The following PLCH1 variants were observed in gnomAD, a reference collection of about 807,000 sequenced individuals.
PLCH1 encodes 1-phosphatidylinositol 4,5-bisphosphate phosphodiesterase eta-1.
In PLCH1, 60 loss-of-function variants were observed where a neutral mutation model predicts 126.7. That is an observed-to-expected ratio of 0.47 (90% CI 0.38 to 0.59). The LOEUF (loss-of-function observed/expected upper bound fraction) is 0.59, where lower values mean the gene tolerates loss of function less well. PLCH1 is among the 20% of genes least tolerant of loss of function. PLCH1 has a pLI of 0.00. For missense variants in PLCH1, 1,723 were observed against 2,040.0 expected (o/e 0.84, Z 2.99); for synonymous variants, 719 against 734.9 (o/e 0.98, Z 0.35).
intron 2 of PLCH1, among the ~76,000 whole-genome samples, chr3:155,664,312 T>C (rs776099205): frequency 5.9e-5 from 9 of 152,218 alleles, no homozygotes; most frequent in Non-Finnish European, 8.8e-5. Flanking sequence ...GTCTGAACTA[T>C]AGGGCTCTAA....
At chr3:155,691,307 A>G (rs1221244703) in intron 2 of PLCH1, among the ~76,000 whole-genome samples, 2 of 152,196 alleles carry the variant, frequency 1.3e-5, no homozygotes, top group African/African-American at 4.8e-5. Context: ...CTTAGCATCA[A>G]CCTAACATTT....
At chr3:155,722,130 A>G (rs1747993888) in intron 1 of PLCH1, among the ~76,000 whole-genome samples, 3 of 152,038 alleles carry the variant, frequency 2.0e-5, no homozygotes, top group African/African-American at 4.8e-5. Context: ...TTCTCCATTC[A>G]GTATAATGGT....
intron 21 of PLCH1, among the ~76,000 whole-genome samples, chr3:155,464,624 C>G (rs1244712236): frequency 6.6e-6 from 1 of 152,130 alleles, no homozygotes; most frequent in African/African-American, 2.4e-5. Context: ...TGAGACCTCA[C>G]TTGTGTGAGT....
chr3:155,669,652 T>C (rs964199226), intron 2 of PLCH1, among the ~76,000 whole-genome samples: 1 of 152,206 alleles, frequency 6.6e-6, no homozygotes, highest in Non-Finnish European at 1.5e-5. Context: ...GAAAATAAGT[T>C]AGTAAATAAA....
chr3:155,688,190 A>G (rs1046229550), intron 2 of PLCH1, among the ~76,000 whole-genome samples: 1 of 152,210 alleles, frequency 6.6e-6, no homozygotes, highest in African/African-American at 2.4e-5. Context: ...AGCAGCTCCA[A>G]AGTGAATACT....
intron 11 of PLCH1, among the ~76,000 whole-genome samples, chr3:155,520,165 TG>T (rs1173963657): frequency 6.6e-6 from 1 of 152,220 alleles, no homozygotes; most frequent in Non-Finnish European, 1.5e-5. Context: ...GCCCAGCACC[TG>T]GGCTTTTTGA....
chr3:155,614,019 A>G (rs1310072028), intron 2 of PLCH1, among the ~76,000 whole-genome samples: 2 of 152,196 alleles, frequency 1.3e-5, no homozygotes, highest in Non-Finnish European at 2.9e-5. Flanking sequence ...CAAGCTGAGA[A>G]TCAAATCAAT....
In PLCH1 at chr3:155,719,581, G is replaced by A. The variant is rs140575094; in HGVS notation, c.-40-15317C>T. Among the ~76,000 whole-genome samples the A allele has an allele frequency of 6.2e-3, 941 of 152,114 alleles. 12 individuals are homozygous for A. Among genetic ancestry groups the A allele is most frequent in the African/African-American group, 0.022 (910 of 41,486 alleles). ...ATATATGATAATAAAAACTGGAAGA[G>A]AGGTTGCTTGTGGAGTGAATTAGGG... is the stretch of plus-strand genomic sequence containing the variant. On this transcript the variant is annotated intron_variant, in intron 1 of 22. Coordinates refer to ENST00000460012, the MANE Select transcript of PLCH1 (RefSeq NM_014996.4).
chr3:155,633,772 TAGCCGGG>T (rs1345638366), intron 2 of PLCH1, among the ~76,000 whole-genome samples: 1 of 152,066 alleles, frequency 6.6e-6, no homozygotes, highest in Non-Finnish European at 1.5e-5. Flanking sequence ...CTACAAAAAT[TAGCCGGG>T]TATGGTGGTG....
chr3:155,719,126 C>G (rs1327683622), intron 1 of PLCH1, among the ~76,000 whole-genome samples: 1 of 152,168 alleles, frequency 6.6e-6, no homozygotes, highest in Admixed American at 6.5e-5. Flanking sequence ...GCAGAGTACA[C>G]TGTACCCAAT....
At chr3:155,547,523 A>T (rs560250608) in intron 10 of PLCH1, among the ~76,000 whole-genome samples, 2 of 148,544 alleles carry the variant, frequency 1.3e-5, no homozygotes, top group African/African-American at 4.9e-5. Flanking sequence ...CATTTGACCC[A>T]CCAATCCCAT....
At chr3:155,506,059 A>G (rs1423243605) in intron 12 of PLCH1, among the ~76,000 whole-genome samples, 2 of 152,192 alleles carry the variant, frequency 1.3e-5, no homozygotes, top group African/African-American at 4.8e-5. Flanking sequence ...CGGCTGTCAC[A>G]GGCAAATTGA....
At chr3:155,618,776 G>T (rs1736101854) in intron 2 of PLCH1, among the ~76,000 whole-genome samples, 1 of 152,274 alleles carries the variant, frequency 6.6e-6, no homozygotes, top group Admixed American at 6.5e-5. Flanking sequence ...TTCCTGAGGA[G>T]CTTCCTGAGG....
chr3:155,688,227 A>T (rs1268206321), intron 2 of PLCH1, among the ~76,000 whole-genome samples: 2 of 152,240 alleles, frequency 1.3e-5, no homozygotes, highest in Non-Finnish European at 2.9e-5. Flanking sequence ...CAACACACAG[A>T]GGCCCTGAAA....
At chr3:155,594,915 A>G (rs1288849004) in intron 3 of PLCH1, among the ~76,000 whole-genome samples, 1 of 152,228 alleles carries the variant, frequency 6.6e-6, no homozygotes, top group Non-Finnish European at 1.5e-5. Context: ...TCGTTAGAAA[A>G]CTGAAAGGAA....
intron 21 of PLCH1, among the ~76,000 whole-genome samples, chr3:155,470,708 C>T (rs1350092045): frequency 2.0e-5 from 3 of 151,988 alleles, no homozygotes; most frequent in African/African-American, 7.3e-5. Flanking sequence ...GGGAAGCCCA[C>T]CAGACTAACA....
At chr3:155,499,500 T>C (rs1021802982) in intron 14 of PLCH1, among the ~76,000 whole-genome samples, 9 of 152,220 alleles carry the variant, frequency 5.9e-5, no homozygotes, top group African/African-American at 1.9e-4. Context: ...AAATTAACTC[T>C]TTTTATTCCT....
chr3:155,662,726 G>T (rs781755768), intron 2 of PLCH1, among the ~76,000 whole-genome samples: 1 of 151,882 alleles, frequency 6.6e-6, no homozygotes, highest in Non-Finnish European at 1.5e-5. Context: ...GTGCAGTGGC[G>T]CAATCTCAGC....
At chr3:155,739,590 C>G (rs772461945) in intron 1 of PLCH1, among the ~76,000 whole-genome samples, 26 of 152,154 alleles carry the variant, frequency 1.7e-4, no homozygotes, top group South Asian at 8.3e-4. Context: ...AAACTCTCTA[C>G]CTGTCTATAC....
Sources: allele counts gnomAD v4.1 joint callset (sites outside exome capture counted in the v4.1 genomes callset), GRCh38; gene constraint gnomAD v4.1.1; transcripts MANE v1.5; gene names NCBI Gene and HGNC (gene_info 2026-07-23, HGNC 2026-07-21).